GRID2: variants seen among roughly 807,000 people sequenced by gnomAD.
The protein encoded by GRID2 is glutamate ionotropic receptor delta type subunit 2, also known as glutamate receptor ionotropic, delta-2.
A neutral mutation model predicts 114.8 loss-of-function variants in GRID2; 33 were observed. The ratio of observed to expected loss-of-function variants is 0.29; its 90% CI spans 0.22 to 0.38. The LOEUF (loss-of-function observed/expected upper bound fraction) is 0.38. GRID2 is among the 10% of genes least tolerant of loss of function. The pLI is 1.00. For missense variants in GRID2, 1,184 were observed against 1,257.7 expected (o/e 0.94, Z 0.89); for synonymous variants, 505 against 449.9 (o/e 1.12, Z -1.55).
Position 92,530,197 on chromosome 4 carries a change from T to C in GRID2, c.89-59934T>C, listed in dbSNP as rs371052981. Among the ~76,000 whole-genome samples, 101 of 152,172 alleles carry C rather than the reference T, an allele frequency of 6.6e-4. 2 individuals carry two copies. The South Asian group carries it at 0.02, about 30-fold the overall frequency. ...AATTAGAAAATCACCATTTTCAAAC[T>C]ATCATAAAATAATAGATCTAGGTGA... On this transcript the variant is annotated intron_variant, in intron 1 of 15. Coordinates refer to ENST00000282020, the MANE Select transcript of GRID2 (RefSeq NM_001510.4).
chr4:92,942,857 G>C (rs1256707836), intron 2 of GRID2, among the ~76,000 whole-genome samples: 1 of 152,130 alleles, frequency 6.6e-6, no homozygotes, highest in East Asian at 1.9e-4. Flanking sequence ...ATGAAATTCT[G>C]GGTTGAAAAT....
chr4:93,585,642 A>G (rs970253200), intron 13 of GRID2, among the ~76,000 whole-genome samples: 1 of 152,016 alleles, frequency 6.6e-6, no homozygotes, highest in Non-Finnish European at 1.5e-5. Flanking sequence ...TTCTCCATAA[A>G]TTTGATGTTT....
intron 8 of GRID2, among the ~76,000 whole-genome samples, chr4:93,384,243 T>A (rs1401290198): frequency 2.0e-5 from 3 of 152,118 alleles, no homozygotes; most frequent in Admixed American, 1.3e-4. Flanking sequence ...TTAATACAAT[T>A]GAGTTCCAAC....
chr4:93,630,954 T>C (rs1743190626), intron 14 of GRID2, among the ~76,000 whole-genome samples: 1 of 152,198 alleles, frequency 6.6e-6, no homozygotes, highest in Non-Finnish European at 1.5e-5. Context: ...GTCCTTACTA[T>C]ATGCTAGACT....
At chr4:93,750,419 C>G (rs973341012) in intron 14 of GRID2, among the ~76,000 whole-genome samples, 1 of 152,070 alleles carries the variant, frequency 6.6e-6, no homozygotes, top group Non-Finnish European at 1.5e-5. Context: ...CAATGATCAC[C>G]CAGTAGGAAA....
At chr4:93,480,862 T>A (rs2149446465) in intron 11 of GRID2, among the ~76,000 whole-genome samples, 1 of 152,148 alleles carries the variant, frequency 6.6e-6, no homozygotes, top group South Asian at 2.1e-4. Flanking sequence ...GGTGACCAAG[T>A]TTCTTGGAAC....
At chr4:92,625,950 C>T (rs1003510476) in intron 2 of GRID2, among the ~76,000 whole-genome samples, 5 of 151,932 alleles carry the variant, frequency 3.3e-5, no homozygotes, top group South Asian at 4.1e-4. Context: ...TTTTCACTTA[C>T]ATTTTAAAAT....
chr4:93,225,297 T>G (rs1579344275), intron 7 of GRID2, among the ~76,000 whole-genome samples: 2 of 152,294 alleles, frequency 1.3e-5, no homozygotes, highest in East Asian at 3.9e-4. Flanking sequence ...GTCCATGTGT[T>G]GCTTATTCCA....
chr4:92,688,388 T>A (rs1357218637), intron 2 of GRID2, among the ~76,000 whole-genome samples: 1 of 152,138 alleles, frequency 6.6e-6, no homozygotes, highest in Non-Finnish European at 1.5e-5. Context: ...TAGCGTATAA[T>A]GCTGTCTGAT....
intron 2 of GRID2, among the ~76,000 whole-genome samples, chr4:92,910,468 G>T (rs1391988513): frequency 6.6e-6 from 1 of 152,128 alleles, no homozygotes; most frequent in Non-Finnish European, 1.5e-5. Context: ...GATTTTATTT[G>T]ATTTAAAAAA....
chr4:93,783,001 C>A (rs1241789249), intron 1 of GRID2, among the ~76,000 whole-genome samples: 1 of 152,082 alleles, frequency 6.6e-6, no homozygotes, highest in African/African-American at 2.4e-5. Flanking sequence ...CAATGTAAGA[C>A]TTTCAAAGTA....
At chr4:93,778,656 C>A (rs1390732623), downstream of GRID2, among the ~76,000 whole-genome samples, 2 of 152,122 alleles carry the variant, frequency 1.3e-5, no homozygotes, top group African/African-American at 4.8e-5. Context: ...TCTCAGTCTC[C>A]CAAAGTGCTG....
intron 8 of GRID2, among the ~76,000 whole-genome samples, chr4:93,382,936 C>G (rs1443255676): frequency 6.6e-6 from 1 of 151,922 alleles, no homozygotes; most frequent in African/African-American, 2.4e-5. Flanking sequence ...ATGTTGTAGA[C>G]TAGACTGTCT....
chr4:93,104,297 A>G (rs1731986827), intron 3 of GRID2, among the ~76,000 whole-genome samples: 1 of 152,070 alleles, frequency 6.6e-6, no homozygotes, highest in Non-Finnish European at 1.5e-5. Flanking sequence ...CAAGTTATTA[A>G]TAGTATTTTT....
At chr4:92,357,912 CAT>C (rs1728412948) in intron 1 of GRID2, among the ~76,000 whole-genome samples, 1 of 151,840 alleles carries the variant, frequency 6.6e-6, no homozygotes, top group Non-Finnish European at 1.5e-5. Context: ...AGTTATAAGA[CAT>C]ATTTGACAAG....
At chr4:92,965,548 A>C (rs1051436773) in intron 2 of GRID2, among the ~76,000 whole-genome samples, 1 of 147,932 alleles carries the variant, frequency 6.8e-6, no homozygotes, top group Non-Finnish European at 1.5e-5. Context: ...GTATGGCTAT[A>C]TCTGCTCCTG....
At chr4:92,945,215 C>T (rs901968017) in intron 2 of GRID2, among the ~76,000 whole-genome samples, 1 of 152,088 alleles carries the variant, frequency 6.6e-6, no homozygotes, top group Non-Finnish European at 1.5e-5. Flanking sequence ...ATATGTGAAC[C>T]TCACTTTATT....
chr4:93,555,073 G>A (rs1734174864), intron 13 of GRID2, among the ~76,000 whole-genome samples: 2 of 152,118 alleles, frequency 1.3e-5, no homozygotes, highest in African/African-American at 2.4e-5. Flanking sequence ...GGTGCACTGT[G>A]GCCCAGATAC....
intron 8 of GRID2, among the ~76,000 whole-genome samples, chr4:93,265,191 A>C (rs1445346580): frequency 6.6e-6 from 1 of 152,128 alleles, no homozygotes; most frequent in Non-Finnish European, 1.5e-5. Context: ...TCATTTGTCA[A>C]ATCAGGAACT....
Sources: allele counts gnomAD v4.1 joint callset (sites outside exome capture counted in the v4.1 genomes callset), GRCh38; gene constraint gnomAD v4.1.1; transcripts MANE v1.5; gene names NCBI Gene and HGNC (gene_info 2026-07-23, HGNC 2026-07-21).